MYO1D: variants seen among roughly 807,000 people sequenced by gnomAD.
The protein encoded by MYO1D is myosin ID.
Under a neutral mutation model 122.0 loss-of-function variants are expected in MYO1D, and 83 were observed. The observed-to-expected ratio is 0.68, with a 90% CI of 0.57 to 0.82. The LOEUF (loss-of-function observed/expected upper bound fraction) is 0.82. MYO1D is among the 40% of genes least tolerant of loss of function. The pLI, the probability that MYO1D is intolerant of heterozygous loss-of-function variation, is 0.00. For missense variants in MYO1D, 1,157 were observed against 1,269.5 expected, an observed-to-expected ratio of 0.91 and a Z score of 1.35; for synonymous variants, 464 against 446.9, an observed-to-expected ratio of 1.04 and a Z score of -0.48.
intron 21 of MYO1D, among the ~76,000 whole-genome samples, chr17:32,522,672 T>C (rs977748126): frequency 6.6e-6 from 1 of 151,988 alleles, no homozygotes; most frequent in Non-Finnish European, 1.5e-5. Context: ...CCTAATGACA[T>C]GAAGAACACG....
At position 32,596,640 on chromosome 17, in the gene MYO1D, A is replaced by G. The variant is rs1406496561; in HGVS notation, c.2864+8447T>C. Among the ~76,000 whole-genome samples, 3 of 152,194 alleles carry G rather than the reference A, an allele frequency of 2.0e-5. No individual in the cohort carries two copies. The East Asian group carries it at 5.8e-4, about 29-fold the overall frequency. ...TAACAGTGCTCCTTTAATTAAGGAG[A>G]TATTAAAGAAGAACAAGAAGCAGAT... On this transcript the variant is annotated intron_variant, in intron 21 of 21. Transcript: ENST00000318217.
chr17:32,564,511 CA>C (rs1262020146), intron 21 of MYO1D, among the ~76,000 whole-genome samples: 1 of 152,206 alleles, frequency 6.6e-6, no homozygotes, highest in East Asian at 1.9e-4. Context: ...TTCCCTTAAC[CA>C]GAGCCTACTG....
rs774221874 is a variant in MYO1D at position 32,653,949 on chromosome 17, T to C, written c.2491-2A>G. ...TGAGGTCTGAGGTGTATCTGGCTTC[T>C]GAAAGAGAAAGGAAACAAGACAAAA... On this transcript the variant is annotated splice_acceptor_variant, in intron 18 of 21. Coordinates refer to ENST00000318217, the MANE Select transcript of MYO1D (RefSeq NM_015194.3). LOFTEE classifies it high-confidence loss of function. The C allele has an allele frequency of 2.5e-6, 4 of 1,609,138 alleles. No homozygotes were observed. The highest frequency in any genetic ancestry group is 2.2e-5 in the South Asian group (2 of 90,542).
chr17:32,683,170 T>C (rs1318377318), intron 16 of MYO1D, among the ~76,000 whole-genome samples: 3 of 146,456 alleles, frequency 2.0e-5, no homozygotes, highest in African/African-American at 7.8e-5. Context: ...TTCAAAGTTT[T>C]CAACTTCTTT....
chr17:32,520,212 C>T lies in MYO1D; in HGVS notation c.2865-25297G>A, dbSNP rs192821700. Among the ~76,000 whole-genome samples, 410 of 152,248 alleles carry T rather than the reference C, an allele frequency of 2.7e-3. 2 individuals carry two copies. Among genetic ancestry groups the T allele is most frequent in the Non-Finnish European group, 4.6e-3 (312 of 68,016 alleles). On this transcript the variant is annotated intron_variant, in intron 21 of 21. Transcript: ENST00000318217. The stretch of plus-strand genomic sequence containing the variant: ...GACTGTACTCTGTGAGGGTGGAAAC[C>T]GGTCTGAACCATCCCTGTAACTGCT...
At chr17:32,837,209 T>C (rs1002826033) in intron 1 of MYO1D, among the ~76,000 whole-genome samples, 2 of 151,906 alleles carry the variant, frequency 1.3e-5, no homozygotes, top group Admixed American at 6.6e-5. Context: ...TTTTTAAATG[T>C]TTATTGATCA....
chr17:32,819,314 A>G (rs1188725460), intron 1 of MYO1D, among the ~76,000 whole-genome samples: 3 of 152,114 alleles, frequency 2.0e-5, no homozygotes, highest in Non-Finnish European at 2.9e-5. Context: ...GAGATCTCAC[A>G]GGAATTCTGG....
At chr17:32,810,474 C>T (rs559695496) in intron 1 of MYO1D, among the ~76,000 whole-genome samples, 191 of 151,090 alleles carry the variant, frequency 1.3e-3, no homozygotes, top group African/African-American at 4.5e-3. Flanking sequence ...AGGTTAAGTC[C>T]GTAACTTTTT....
intron 20 of MYO1D, among the ~76,000 whole-genome samples, chr17:32,611,716 A>G (rs1207725028): frequency 6.6e-6 from 1 of 152,174 alleles, no homozygotes; most frequent in African/African-American, 2.4e-5. Context: ...GAGGGTGCCT[A>G]TAGTCCCAGC....
intron 20 of MYO1D, among the ~76,000 whole-genome samples, chr17:32,637,341 TTATAAGTCTATATATAAGAAGAC>T (rs2088115550): frequency 6.6e-6 from 1 of 152,202 alleles, no homozygotes; most frequent in Admixed American, 6.5e-5. Context: ...CAATAGAAGA[TTATAAGTCTATATATAAGAAGAC>T]TATATATAAT....
chr17:32,728,153 T>C lies in MYO1D; in HGVS notation c.1747-6964A>G, dbSNP rs535397238. Among the ~76,000 whole-genome samples the C allele has an allele frequency of 2.6e-5, 4 of 151,904 alleles. No individual in the cohort carries two copies. The East Asian group carries it at 5.8e-4, about 22-fold the overall frequency. ...AGAAGTCAGGAAGAAAATAGAAAAG[T>C]TGAACAATATTATTAGCAAACTTGA... On this transcript the variant is annotated intron_variant, in intron 14 of 21. Coordinates refer to ENST00000318217, the MANE Select transcript of MYO1D (RefSeq NM_015194.3).
At chr17:32,570,933 T>C (rs1038129986) in intron 21 of MYO1D, among the ~76,000 whole-genome samples, 2 of 152,034 alleles carry the variant, frequency 1.3e-5, no homozygotes, top group African/African-American at 4.8e-5. Flanking sequence ...TTGTCGGGAA[T>C]AGAAGGTAAG....
chr17:32,679,068 T>C (rs1255687829), intron 16 of MYO1D, among the ~76,000 whole-genome samples: 1 of 151,958 alleles, frequency 6.6e-6, no homozygotes, highest in African/African-American at 2.4e-5. Context: ...TTTTGAGAAG[T>C]GTCTGTTCAT....
chr17:32,730,530 TG>T (rs1178989916), intron 14 of MYO1D, among the ~76,000 whole-genome samples: 1 of 152,234 alleles, frequency 6.6e-6, no homozygotes, highest in Non-Finnish European at 1.5e-5. Context: ...TCTCTGTTTT[TG>T]GTTTTTGTTT....
At chr17:32,856,077 C>T (rs982815750) in intron 1 of MYO1D, among the ~76,000 whole-genome samples, 4 of 151,996 alleles carry the variant, frequency 2.6e-5, no homozygotes, top group African/African-American at 9.7e-5. Context: ...CATGCAGATG[C>T]TATTCTTGGA....
chr17:32,561,363 T>TA (rs2087124128), intron 21 of MYO1D, among the ~76,000 whole-genome samples: 1 of 152,022 alleles, frequency 6.6e-6, no homozygotes, highest in Admixed American at 6.6e-5. Flanking sequence ...CCTTTTTTTT[T>TA]AATTCTAAAA....
intron 21 of MYO1D, among the ~76,000 whole-genome samples, chr17:32,575,399 T>C (rs550458841): frequency 6.6e-6 from 1 of 152,230 alleles, no homozygotes; most frequent in Non-Finnish European, 1.5e-5. Flanking sequence ...GATGAAAATT[T>C]TGAAAGAGTA....
chr17:32,710,064 T>C (rs1249200934), intron 16 of MYO1D, among the ~76,000 whole-genome samples: 4 of 152,188 alleles, frequency 2.6e-5, no homozygotes, highest in Admixed American at 2.0e-4. Flanking sequence ...TTATTGAATT[T>C]AATAAACTTA....
At chr17:32,653,014 C>T (rs1248869255) in intron 19 of MYO1D, among the ~76,000 whole-genome samples, 5 of 151,814 alleles carry the variant, frequency 3.3e-5, no homozygotes, top group Non-Finnish European at 5.9e-5. Flanking sequence ...TGGTGGTGGG[C>T]GCCTGTAGTC....
Sources: allele counts gnomAD v4.1 joint callset (sites outside exome capture counted in the v4.1 genomes callset), GRCh38; gene constraint gnomAD v4.1.1; transcripts MANE v1.5; gene names NCBI Gene and HGNC (gene_info 2026-07-23, HGNC 2026-07-21).